The following SNTG2 variants were observed in gnomAD, a reference collection of about 807,000 sequenced individuals.
SNTG2 encodes syntrophin gamma 2.
A neutral mutation model predicts 70.9 loss-of-function variants in SNTG2; 74 were observed. The ratio of observed to expected loss-of-function variants is 1.04; its 90% CI spans 0.86 to 1.27. SNTG2 has a LOEUF of 1.27. SNTG2 is among the 50% of genes most tolerant of loss of function. The pLI is 0.00. For missense variants in SNTG2, 717 were observed against 690.7 expected, an observed-to-expected ratio of 1.04 and a Z score of -0.43; for synonymous variants, 278 against 273.8, an observed-to-expected ratio of 1.02 and a Z score of -0.15.
At chr2:1,197,151 C>T (rs559020181) in intron 8 of SNTG2, among the ~76,000 whole-genome samples, 3 of 152,074 alleles carry the variant, frequency 2.0e-5, no homozygotes, top group South Asian at 2.1e-4. Flanking sequence ...ATTAAATTTC[C>T]CACTTAAAAG....
intron 7 of SNTG2, 111 bp downstream of exon 7, chr2:1,165,746 C>A: frequency 1.1e-6 from 1 of 917,492 alleles, no homozygotes; most frequent in Non-Finnish European, 1.7e-6. Flanking sequence ...GCTGAGTGTA[C>A]ATTCAGAGAG....
At chr2:1,172,780 A>G (rs1421889108) in intron 7 of SNTG2, among the ~76,000 whole-genome samples, 1 of 152,136 alleles carries the variant, frequency 6.6e-6, no homozygotes, top group Admixed American at 6.5e-5. Flanking sequence ...TGACCATTCC[A>G]GGGGGTCATG....
intron 4 of SNTG2, among the ~76,000 whole-genome samples, chr2:1,135,760 C>T (rs982155189): frequency 6.6e-6 from 1 of 152,188 alleles, no homozygotes; most frequent in Non-Finnish European, 1.5e-5. Flanking sequence ...ATCTCCTGCA[C>T]TGGACTTGTT....
At chr2:1,049,766 A>G (rs925650208) in intron 1 of SNTG2, among the ~76,000 whole-genome samples, 1 of 152,202 alleles carries the variant, frequency 6.6e-6, no homozygotes, top group Non-Finnish European at 1.5e-5. Flanking sequence ...ACCAGCAATG[A>G]ATGAGAGTTC....
At chr2:1,055,565 A>G (rs1264314533) in intron 1 of SNTG2, among the ~76,000 whole-genome samples, 1 of 152,144 alleles carries the variant, frequency 6.6e-6, no homozygotes, top group Non-Finnish European at 1.5e-5. Flanking sequence ...CAAAAATACT[A>G]ATTTTGAGTC....
At chr2:1,173,029 C>T (rs932857449) in intron 7 of SNTG2, 63 bp from the exon 8 acceptor site, 185 of 1,451,444 alleles carry the variant, frequency 1.3e-4, no homozygotes, top group East Asian at 1.2e-3. Flanking sequence ...GAAGTCACTG[C>T]ATGGTCACAG....
chr2:1,137,511 C>A, intron 4 of SNTG2, 111 bp from the exon 5 acceptor site: 1 of 1,118,752 alleles, frequency 8.9e-7, no homozygotes, highest in Non-Finnish European at 1.3e-6. Flanking sequence ...TGCACACACA[C>A]ACACACGTGG....
intron 6 of SNTG2, among the ~76,000 whole-genome samples, chr2:1,162,667 G>C (rs1410689078): frequency 5.9e-5 from 9 of 152,060 alleles, no homozygotes; most frequent in Admixed American, 5.9e-4. Context: ...AGAAAGGAAG[G>C]GTGTCGTCGC....
intron 1 of SNTG2, among the ~76,000 whole-genome samples, chr2:953,465 G>A (rs1660044810): frequency 6.6e-6 from 1 of 152,238 alleles, no homozygotes; most frequent in Admixed American, 6.5e-5. Flanking sequence ...TCATTTTAAA[G>A]GTGCATGTGG....
At chr2:1,151,026 A>G (rs1229791798) in intron 6 of SNTG2, among the ~76,000 whole-genome samples, 1 of 152,196 alleles carries the variant, frequency 6.6e-6, no homozygotes, top group Non-Finnish European at 1.5e-5. Flanking sequence ...TGATTTGTCA[A>G]ATTTGGGAGT....
intron 15 of SNTG2, among the ~76,000 whole-genome samples, chr2:1,310,873 T>C (rs984470102): frequency 2.0e-5 from 3 of 152,236 alleles, no homozygotes; most frequent in Non-Finnish European, 4.4e-5. Context: ...CTGTGCAAGA[T>C]GGGGTTGTGA....
Position 1,055,857 on chromosome 2 carries a change from A to G in SNTG2, c.73-27661A>G, listed in dbSNP as rs924170158. On this transcript the variant is annotated intron_variant, in intron 1 of 16. Coordinates refer to ENST00000308624, the MANE Select transcript of SNTG2 (RefSeq NM_018968.4). ...CACCAGCCCTCCCTTGATGTGCAGA[A>G]TGAGCAGGTGTCTTTAGGAGTGAGG... is the stretch of plus-strand genomic sequence containing the variant. Among the ~76,000 whole-genome samples, 13 of 152,204 alleles carry G rather than the reference A, an allele frequency of 8.5e-5. 1 individual carries two copies. Among genetic ancestry groups the G allele is most frequent in the Admixed American group, 2.0e-4 (3 of 15,286 alleles).
chr2:1,228,223 G>C (rs188145946), intron 9 of SNTG2, among the ~76,000 whole-genome samples: 1 of 152,380 alleles, frequency 6.6e-6, no homozygotes, highest in East Asian at 1.9e-4. Context: ...GTCATGGACT[G>C]TGAATTACCC....
chr2:1,181,629 G>A (rs757006374), intron 8 of SNTG2, among the ~76,000 whole-genome samples: 3 of 152,160 alleles, frequency 2.0e-5, no homozygotes, highest in Admixed American at 1.3e-4. Flanking sequence ...TCTCTGTCCT[G>A]ACAGCTGGAG....
chr2:1,029,938 T>A (rs1660718020), intron 1 of SNTG2, among the ~76,000 whole-genome samples: 1 of 152,230 alleles, frequency 6.6e-6, no homozygotes. Context: ...CTTACGTTCC[T>A]GTATCATTTC....
chr2:1,320,256 C>T (rs982987760), intron 16 of SNTG2, among the ~76,000 whole-genome samples: 16 of 151,844 alleles, frequency 1.1e-4, no homozygotes, highest in Admixed American at 4.6e-4. Flanking sequence ...TAGAATTGGC[C>T]GGGCATGGTG....
At chr2:1,254,966 G>A (rs1677963595) in intron 12 of SNTG2, among the ~76,000 whole-genome samples, 1 of 152,200 alleles carries the variant, frequency 6.6e-6, no homozygotes, top group African/African-American at 2.4e-5. Flanking sequence ...ATTCCCCAGA[G>A]AAAATCGGCT....
chr2:1,103,909 G>A (rs1572439598), intron 4 of SNTG2, among the ~76,000 whole-genome samples: 1 of 152,192 alleles, frequency 6.6e-6, no homozygotes, highest in Non-Finnish European at 1.5e-5. Context: ...GTACATTATA[G>A]TCGGAGAAGA....
chr2:1,319,355 T>C (rs1381179960), intron 16 of SNTG2, among the ~76,000 whole-genome samples: 1 of 151,940 alleles, frequency 6.6e-6, no homozygotes, highest in Non-Finnish European at 1.5e-5. Context: ...AAATTTTTTA[T>C]GAAAAAAAAA....
Sources: allele counts gnomAD v4.1 joint callset (sites outside exome capture counted in the v4.1 genomes callset), GRCh38; gene constraint gnomAD v4.1.1; transcripts MANE v1.5; gene names NCBI Gene and HGNC (gene_info 2026-07-23, HGNC 2026-07-21).